Variants in CECR2 observed in about 807,000 individuals in gnomAD.
CECR2 encodes the protein chromatin remodeling regulator CECR2.
CECR2 carries 30 observed loss-of-function variants against 154.5 expected under a neutral mutation model. That is an observed-to-expected ratio of 0.19 (90% CI 0.15 to 0.26). The LOEUF is 0.26. CECR2 is among the 10% of genes least tolerant of loss of function. The pLI is 1.00. For missense variants in CECR2, 1,743 were observed against 1,829.3 expected (o/e 0.95, Z 0.86); for synonymous variants, 725 against 683.7 (o/e 1.06, Z -0.94).
chr22:17,361,140 G>A (rs866200202), intron 1 of CECR2, among the ~76,000 whole-genome samples: 3 of 152,220 alleles, frequency 2.0e-5, no homozygotes, highest in Middle Eastern at 3.4e-3. Flanking sequence ...TCCAGCCTCG[G>A]TGCCAGAGGG....
At chr22:17,448,910 C>T (rs5746391) in intron 1 of CECR2, among the ~76,000 whole-genome samples, 42,597 of 151,422 alleles carry the variant, frequency 0.28, 8,280 homozygotes, top group East Asian at 0.54. Flanking sequence ...GATGGAGTCT[C>T]GCTCTGTCGC....
chr22:17,480,868 G>A (rs1057361890), intron 2 of CECR2, among the ~76,000 whole-genome samples: 10 of 151,260 alleles, frequency 6.6e-5, no homozygotes, highest in African/African-American at 2.2e-4. Flanking sequence ...GATGAAACCC[G>A]GTCTCTACTA....
chr22:17,505,811 A>G (rs939296694), intron 7 of CECR2, among the ~76,000 whole-genome samples: 6 of 140,586 alleles, frequency 4.3e-5, no homozygotes, highest in Non-Finnish European at 9.1e-5. Context: ...TGCTGGGATT[A>G]CAGGTGTGAG....
intron 1 of CECR2, among the ~76,000 whole-genome samples, chr22:17,392,480 C>T (rs943419924): frequency 4.6e-5 from 7 of 151,848 alleles, no homozygotes; most frequent in African/African-American, 1.5e-4. Flanking sequence ...AGTGAGACTC[C>T]GTCTCAAAAA....
chr22:17,511,840 G>T lies in CECR2; in HGVS notation c.898G>T (p.Glu300Ter), dbSNP rs1412834508. The T allele has an allele frequency of 1.2e-6, 2 of 1,612,420 alleles. No homozygotes were observed. Among genetic ancestry groups the T allele is most frequent in the African/African-American group, 1.3e-5 (1 of 74,902 alleles). The change falls in exon 8 of 19, where the codon GAG (glutamate) becomes TAG (stop). Residue 300 changes from glutamate (E) to a stop codon, truncating the protein, a stop_gained. Coordinates refer to ENST00000262608, the MANE Select transcript of CECR2 (RefSeq NM_001290047.2). LOFTEE classifies it high-confidence loss of function. ...AAAACGTCCACAGCGCACAAAGGCA[G>T]AGTTGCATCCTAGGTGGATGTCTGA... ...KGKRPQRTKAELHPRWMSDHL... is the reference protein window; with the variant it reads ...KGKRPQRTKA
intron 1 of CECR2, among the ~76,000 whole-genome samples, chr22:17,472,558 C>CA (rs763234036): frequency 4.6e-5 from 7 of 152,162 alleles, no homozygotes; most frequent in Non-Finnish European, 8.8e-5. Flanking sequence ...TAAAATACAA[C>CA]AAACACGATT....
intron 1 of CECR2, among the ~76,000 whole-genome samples, chr22:17,443,088 T>C (rs952044539): frequency 3.3e-5 from 5 of 152,300 alleles, no homozygotes; most frequent in African/African-American, 1.2e-4. Flanking sequence ...TGTGTTTCTT[T>C]GTACTGTTTG....
At chr22:17,422,992 G>T (rs554184561) in intron 1 of CECR2, among the ~76,000 whole-genome samples, 1 of 152,010 alleles carries the variant, frequency 6.6e-6, no homozygotes, top group African/African-American at 2.4e-5. Context: ...CCACTTCCCT[G>T]CCCTCTCTCA....
chr22:17,361,251 G>C (rs2062975432), intron 1 of CECR2, among the ~76,000 whole-genome samples: 1 of 152,150 alleles, frequency 6.6e-6, no homozygotes, highest in Non-Finnish European at 1.5e-5. Flanking sequence ...ATTTTGGGAG[G>C]CCGAGGTGGG....
At chr22:17,381,533 G>A (rs547367665) in intron 1 of CECR2, among the ~76,000 whole-genome samples, 2 of 152,196 alleles carry the variant, frequency 1.3e-5, no homozygotes, top group East Asian at 3.9e-4. Context: ...TCTGTAACAT[G>A]CACATTTTTA....
chr22:17,390,830 A>AT (rs11400106), intron 1 of CECR2, among the ~76,000 whole-genome samples: 39,753 of 152,034 alleles, frequency 0.26, 6,806 homozygotes, highest in African/African-American at 0.49. Flanking sequence ...AAAGACTTTG[A>AT]TTTTTTTAAC....
At chr22:17,452,622 C>T (rs1024866485) in intron 1 of CECR2, among the ~76,000 whole-genome samples, 2 of 151,994 alleles carry the variant, frequency 1.3e-5, no homozygotes, top group East Asian at 1.9e-4. Flanking sequence ...TACCATTGAC[C>T]GAGATGGGGA....
At chr22:17,499,334 G>A (rs1351097889) in intron 3 of CECR2, 76 bp from the exon 4 acceptor site, 36 of 1,526,308 alleles carry the variant, frequency 2.4e-5, no homozygotes, top group Middle Eastern at 1.8e-4. Flanking sequence ...GTGTAAATTT[G>A]GAATCCTCGT....
At position 17,505,016 on chromosome 22, in the gene CECR2, G is replaced by C. The variant is rs749500004; in HGVS notation, c.870G>C (p.Lys290Asn). 6.2e-7 allele frequency: 1 copy of C among 1,613,000 alleles called. No individual in the cohort carries two copies. The highest frequency in any genetic ancestry group is 1.7e-5 in the Admixed American group (1 of 59,942). ...LPEICNMIAQ[K>N]GKRPQRTKAE... The stretch of plus-strand genomic sequence containing the variant: ...AGATCTGCAACATGATCGCCCAGAA[G>C]GTGCGCCACACTCTCTGCTCTGTCC... The change falls in exon 7 of 19, where the codon AAG (lysine) becomes AAC (asparagine). Residue 290 changes from lysine (K) to asparagine (N), a missense_variant and splice_region_variant. Around this residue, in one of 4 missense-constraint regions of CECR2, gnomAD observed 292 missense variants for 301.2 expected, o/e 0.97. Coordinates refer to ENST00000262608, the MANE Select transcript of CECR2 (RefSeq NM_001290047.2).
intron 5 of CECR2, among the ~76,000 whole-genome samples, chr22:17,502,348 T>G (rs192055488): frequency 3.9e-4 from 59 of 152,338 alleles, no homozygotes; most frequent in African/African-American, 1.3e-3. Context: ...AGTGCGGCCC[T>G]GAATCAGGGA....
chr22:17,527,218 G>A (rs2056280164), intron 9 of CECR2, among the ~76,000 whole-genome samples: 1 of 152,224 alleles, frequency 6.6e-6, no homozygotes, highest in African/African-American at 2.4e-5. Flanking sequence ...AGCACTTTGG[G>A]AGGCCAAGGC....
intron 1 of CECR2, among the ~76,000 whole-genome samples, chr22:17,408,512 C>T (rs952262014): frequency 2.6e-5 from 4 of 152,124 alleles, no homozygotes; most frequent in African/African-American, 4.8e-5. Flanking sequence ...GTTGTTTGCT[C>T]AGCATTTTTG....
intron 1 of CECR2, among the ~76,000 whole-genome samples, chr22:17,472,735 AT>A (rs1279969354): frequency 6.6e-6 from 1 of 152,094 alleles, no homozygotes; most frequent in Non-Finnish European, 1.5e-5. Context: ...TTATACAGGG[AT>A]TAGAAACACA....
intron 1 of CECR2, among the ~76,000 whole-genome samples, chr22:17,457,447 TC>T (rs1266248675): frequency 6.6e-6 from 1 of 152,254 alleles, no homozygotes; most frequent in African/African-American, 2.4e-5. Context: ...ATAATACCTT[TC>T]GTTAATAAAA....
Sources: allele counts gnomAD v4.1 joint callset (sites outside exome capture counted in the v4.1 genomes callset), GRCh38; gene constraint gnomAD v4.1.1; regional missense constraint gnomAD v4.1.1; transcripts MANE v1.5; gene names NCBI Gene and HGNC (gene_info 2026-07-23, HGNC 2026-07-21).